Variants in SGMS1 observed in about 807,000 individuals in gnomAD.
SGMS1 encodes phosphatidylcholine:ceramide cholinephosphotransferase 1.
SGMS1 carries 13 observed loss-of-function variants against 46.2 expected under a neutral mutation model. The observed-to-expected ratio is 0.28, with a 90% confidence interval of 0.18 to 0.45. The LOEUF (loss-of-function observed/expected upper bound fraction) is 0.45. Among genes scored for constraint, SGMS1 ranks in the 20% least tolerant of loss-of-function variants. The pLI is 1.00. For missense variants in SGMS1, 324 were observed against 519.9 expected (o/e 0.62, Z 3.66); for synonymous variants, 203 against 187.8 (o/e 1.08, Z -0.66).
At position 50,404,424 on chromosome 10, in the gene SGMS1, C is replaced by T. The variant is rs570922247; in HGVS notation, c.-232+29052G>A. Among the ~76,000 whole-genome samples the T allele has an allele frequency of 3.3e-5, 5 of 151,704 alleles. No individual in the cohort carries two copies. The South Asian group carries it at 1.0e-3, about 32-fold the overall frequency. Reference sequence around the variant, plus strand: ...GAGTATGTGACCAGCTTGAGAAACACAGTGAGACCCCCATCTCTATAGAAA... The same window carrying T: ...GAGTATGTGACCAGCTTGAGAAACATAGTGAGACCCCCATCTCTATAGAAA... On this transcript the variant is annotated intron_variant, in intron 6 of 10. Coordinates refer to ENST00000361781, the MANE Select transcript of SGMS1 (RefSeq NM_147156.4).
intron 8 of SGMS1, among the ~76,000 whole-genome samples, chr10:50,321,593 A>C (rs1452342994): frequency 6.6e-6 from 1 of 152,242 alleles, no homozygotes; most frequent in Non-Finnish European, 1.5e-5. Context: ...TTTAATGACA[A>C]TCAGAAACTG....
intron 2 of SGMS1, among the ~76,000 whole-genome samples, chr10:50,569,538 A>G (rs1838319337): frequency 6.6e-6 from 1 of 152,082 alleles, no homozygotes; most frequent in Non-Finnish European, 1.5e-5. Flanking sequence ...CCACTGGCCT[A>G]GCTCAGCATG....
chr10:50,502,306 G>GA (rs71471395), intron 3 of SGMS1, among the ~76,000 whole-genome samples: 55,951 of 130,870 alleles, frequency 0.43, 12,285 homozygotes, highest in Non-Finnish European at 0.47. Context: ...AATGAGGAAA[G>GA]AAAAAAAAAA....
chr10:50,454,081 A>G (rs557272441), intron 5 of SGMS1, among the ~76,000 whole-genome samples: 8 of 151,600 alleles, frequency 5.3e-5, no homozygotes, highest in Non-Finnish European at 1.2e-4. Context: ...AAAGAAAGAA[A>G]GAAATGAGTT....
At chr10:50,567,594 G>C (rs906988779) in intron 2 of SGMS1, among the ~76,000 whole-genome samples, 10 of 152,156 alleles carry the variant, frequency 6.6e-5, no homozygotes, top group Admixed American at 6.5e-4. Context: ...TATTATACGG[G>C]GCAGGCGGCT....
At chr10:50,559,636 T>C (rs936009230) in intron 2 of SGMS1, among the ~76,000 whole-genome samples, 18 of 152,056 alleles carry the variant, frequency 1.2e-4, no homozygotes, top group Non-Finnish European at 7.4e-5. Flanking sequence ...TTTAGAGGGT[T>C]TTCTCAACAG....
intron 1 of SGMS1, among the ~76,000 whole-genome samples, chr10:50,621,183 AAAAC>A (rs1564446315): frequency 1.3e-5 from 2 of 148,212 alleles, no homozygotes; most frequent in Admixed American, 6.7e-5. Context: ...TCTCAAAAGA[AAAAC>A]AAACAAAAAA....
intron 2 of SGMS1, among the ~76,000 whole-genome samples, chr10:50,525,763 T>G (rs1259920718): frequency 6.6e-6 from 1 of 152,190 alleles, no homozygotes; most frequent in African/African-American, 2.4e-5. Context: ...GGATAGCATT[T>G]TTCCATTTCC....
chr10:50,545,046 G>A (rs1488261547), intron 2 of SGMS1, among the ~76,000 whole-genome samples: 1 of 152,150 alleles, frequency 6.6e-6, no homozygotes, highest in Admixed American at 6.5e-5. Context: ...ATGGTAGCAC[G>A]TGTACAATAA....
intron 2 of SGMS1, among the ~76,000 whole-genome samples, chr10:50,564,757 T>TTTTTTA (rs1838273579): frequency 6.6e-6 from 1 of 151,868 alleles, no homozygotes; most frequent in African/African-American, 2.4e-5. Flanking sequence ...TCAGATTATT[T>TTTTTTA]TTTTTATTTT....
chr10:50,525,334 A>G (rs1308866220), intron 2 of SGMS1, among the ~76,000 whole-genome samples: 1 of 152,146 alleles, frequency 6.6e-6, no homozygotes, highest in East Asian at 1.9e-4. Context: ...CTGGCTCTAG[A>G]TTGTGAAGGT....
In SGMS1 at chr10:50,546,807, C is replaced by T. The variant is rs143224204; in HGVS notation, c.-588-26886G>A. 2.8e-4 allele frequency among the ~76,000 whole-genome samples: 42 copies of T among 151,992 alleles called. No homozygotes were observed. The East Asian group carries it at 4.8e-3, about 18-fold the overall frequency. On this transcript the variant is annotated intron_variant, in intron 2 of 10. Coordinates refer to ENST00000361781, the MANE Select transcript of SGMS1 (RefSeq NM_147156.4). ...TAATGGGTGCAGCACACCAACATGG[C>T]GCATGTATACATATGTAACAAACCT...
intron 2 of SGMS1, among the ~76,000 whole-genome samples, chr10:50,543,167 A>C (rs138788555): frequency 2.1e-4 from 32 of 152,330 alleles, no homozygotes; most frequent in African/African-American, 7.7e-4. Flanking sequence ...TAGAATTTCC[A>C]TTACAATATG....
intron 6 of SGMS1, among the ~76,000 whole-genome samples, chr10:50,362,145 G>GAC (rs1848259599): frequency 6.6e-6 from 1 of 152,068 alleles, no homozygotes; most frequent in Non-Finnish European, 1.5e-5. Context: ...CCAGAACATG[G>GAC]ACCCAGTGAT....
chr10:50,588,086 T>C (rs1333447935), intron 2 of SGMS1, among the ~76,000 whole-genome samples: 1 of 152,188 alleles, frequency 6.6e-6, no homozygotes, highest in East Asian at 1.9e-4. Context: ...CTCCTCATCT[T>C]TTCAAAGCAT....
intron 1 of SGMS1, among the ~76,000 whole-genome samples, chr10:50,609,625 TATTCC>T (rs1181205823): frequency 6.6e-6 from 1 of 151,416 alleles, no homozygotes; most frequent in Non-Finnish European, 1.5e-5. Flanking sequence ...AGTTACCTAG[TATTCC>T]ATTGTGTGGA....
chr10:50,307,353 T>C lies in SGMS1; in HGVS notation c.1063-32A>G. On this transcript the variant is annotated intron_variant, in intron 10 of 10. Coordinates refer to ENST00000361781, the MANE Select transcript of SGMS1 (RefSeq NM_147156.4). The surrounding 1 kb of genome is among the most constrained non-coding windows in gnomAD (Gnocchi z 4.2). The stretch of plus-strand genomic sequence containing the variant: ...TAACAAAGAAACATAAACACATTTC[T>C]TACAATCTTTCACTTTAAGTTCAAA... 6.3e-7 allele frequency: 1 copy of C among 1,590,852 alleles called. No homozygotes were observed. The highest frequency in any genetic ancestry group is 8.6e-7 in the Non-Finnish European group (1 of 1,164,930).
intron 9 of SGMS1, among the ~76,000 whole-genome samples, chr10:50,311,014 G>T (rs1043451099): frequency 2.0e-5 from 3 of 152,208 alleles, no homozygotes; most frequent in African/African-American, 7.2e-5. Flanking sequence ...TGCAGGCTGT[G>T]CTTGGAACTG....
At chr10:50,381,069 T>C (rs1210828287) in intron 6 of SGMS1, among the ~76,000 whole-genome samples, 1 of 151,482 alleles carries the variant, frequency 6.6e-6, no homozygotes, top group African/African-American at 2.4e-5. Context: ...ACTCAAGTGA[T>C]CCTCCTGTCT....
Sources: allele counts gnomAD v4.1 joint callset (sites outside exome capture counted in the v4.1 genomes callset), GRCh38; gene constraint gnomAD v4.1.1; non-coding constraint Gnocchi (gnomAD v3.1); transcripts MANE v1.5; gene names NCBI Gene and HGNC (gene_info 2026-07-23, HGNC 2026-07-21).